CAPZB: variants seen among roughly 807,000 people sequenced by gnomAD.
CAPZB encodes capping actin protein of muscle Z-line subunit beta.
A neutral mutation model predicts 38.1 loss-of-function variants in CAPZB; 2 were observed. The ratio of observed to expected loss-of-function variants is 0.05; its 90% confidence interval spans 0.02 to 0.17. The LOEUF (loss-of-function observed/expected upper bound fraction) is 0.17. CAPZB is among the 10% of genes least tolerant of loss of function. The probability of loss-of-function intolerance (pLI) is 1.00; values close to 1 mark genes in which losing one functional copy is unlikely to be tolerated. For synonymous variants in CAPZB, 107 were observed against 127.4 expected (o/e 0.84, Z 1.08); for missense variants, 161 against 334.2 (o/e 0.48, Z 4.04).
At chr1:19,480,081 C>T (rs572234938) in intron 1 of CAPZB, among the ~76,000 whole-genome samples, 1 of 152,150 alleles carries the variant, frequency 6.6e-6, no homozygotes, top group African/African-American at 2.4e-5. Context: ...GCCAGGCCTG[C>T]AGGGATGGGC....
At chr1:19,360,057 C>A (rs559767990) in intron 4 of CAPZB, among the ~76,000 whole-genome samples, 1 of 152,328 alleles carries the variant, frequency 6.6e-6, no homozygotes, top group East Asian at 1.9e-4. Flanking sequence ...GTTCCTGGAA[C>A]ACCTGGAGAG....
intron 1 of CAPZB, among the ~76,000 whole-genome samples, chr1:19,450,754 G>A (rs2094513391): frequency 6.6e-6 from 1 of 152,178 alleles, no homozygotes; most frequent in African/African-American, 2.4e-5. Flanking sequence ...GTCAGTTGAT[G>A]TTAGGCTTGT....
At chr1:19,380,169 G>A (rs760686520) in intron 3 of CAPZB, among the ~76,000 whole-genome samples, 1 of 152,170 alleles carries the variant, frequency 6.6e-6, no homozygotes, top group Admixed American at 6.5e-5. Flanking sequence ...CCAGCCACCC[G>A]CAGGCAGCTT....
intron 8 of CAPZB, among the ~76,000 whole-genome samples, chr1:19,343,853 C>T (rs895756590): frequency 1.3e-5 from 2 of 152,184 alleles, no homozygotes; most frequent in African/African-American, 4.8e-5. Context: ...GAGGCTGGGG[C>T]CCCCTGAGAA....
At position 19,378,857 on chromosome 1, in the gene CAPZB, C is replaced by T. The variant is rs569782984; in HGVS notation, c.216-204G>A. Among the ~76,000 whole-genome samples the T allele has an allele frequency of 4.6e-5, 7 of 152,286 alleles. No homozygotes were observed. The South Asian group carries it at 1.2e-3, about 27-fold the overall frequency. The stretch of plus-strand genomic sequence containing the variant: ...TCTGATGCGGGCAGACTGGGGCACA[C>T]GCCCGTGCTCCACCTCTCACTGGCT... On this transcript the variant is annotated intron_variant, in intron 3 of 8. Coordinates refer to ENST00000264202, the MANE Select transcript of CAPZB (RefSeq NM_004930.5).
chr1:19,436,904 C>CT (rs764538977), intron 1 of CAPZB, among the ~76,000 whole-genome samples: 2 of 152,250 alleles, frequency 1.3e-5, no homozygotes, highest in African/African-American at 2.4e-5. Context: ...GTGCTGGACT[C>CT]TGTGTACCCG....
intron 1 of CAPZB, among the ~76,000 whole-genome samples, chr1:19,443,523 C>T (rs1416544801): frequency 5.3e-5 from 8 of 152,170 alleles, no homozygotes; most frequent in Non-Finnish European, 8.8e-5. Context: ...AGACTGTTGA[C>T]GTCAGTTTCT....
Position 19,449,176 on chromosome 1 carries a change from C to T in CAPZB, c.4-29426G>A, listed in dbSNP as rs973856371. 2.7e-5 allele frequency: 34 copies of T among 1,279,410 alleles called. No homozygotes were observed. The South Asian group carries it at 6.3e-4, about 24-fold the overall frequency. 79.3% of individuals were successfully genotyped at this position (1,279,410 alleles called of 1,614,324 possible). On this transcript the variant is annotated intron_variant, in intron 1 of 8. Transcript: ENST00000264202. ...GGCTGATAACGCACAAAGTGCACTG[C>T]GGTGTCTCTGAGCAGGCCTGAAAGG...
At chr1:19,447,574 G>T (rs2094500898) in intron 1 of CAPZB, among the ~76,000 whole-genome samples, 1 of 152,044 alleles carries the variant, frequency 6.6e-6, no homozygotes, top group Non-Finnish European at 1.5e-5. Context: ...CATCATAGAA[G>T]GCTGAAACCA....
At chr1:19,418,247 C>A (rs1409869266) in intron 2 of CAPZB, among the ~76,000 whole-genome samples, 3 of 147,046 alleles carry the variant, frequency 2.0e-5, no homozygotes, top group African/African-American at 7.6e-5. Flanking sequence ...AAATGAGCAA[C>A]AGAGGCTTCC....
intron 2 of CAPZB, among the ~76,000 whole-genome samples, chr1:19,410,046 C>T (rs2094350733): frequency 6.6e-6 from 1 of 152,174 alleles, no homozygotes; most frequent in African/African-American, 2.4e-5. Flanking sequence ...TATTTTTCTC[C>T]CAAATAGGAA....
At chr1:19,341,887 G>A (rs2093931183) in intron 8 of CAPZB, among the ~76,000 whole-genome samples, 1 of 152,194 alleles carries the variant, frequency 6.6e-6, no homozygotes, top group African/African-American at 2.4e-5. Flanking sequence ...AAAGTCTGCT[G>A]CACCCCTTCT....
intron 1 of CAPZB, among the ~76,000 whole-genome samples, chr1:19,481,003 A>ATGC (rs1288630738): frequency 3.9e-5 from 6 of 152,228 alleles, no homozygotes; most frequent in Non-Finnish European, 7.3e-5. Context: ...TATGTGCCAG[A>ATGC]TGCTACTGGA....
intron 3 of CAPZB, among the ~76,000 whole-genome samples, chr1:19,384,354 C>T (rs1021705423): frequency 6.6e-6 from 1 of 152,212 alleles, no homozygotes; most frequent in East Asian, 1.9e-4. Context: ...CAGACCTGGA[C>T]CTTTTCATCC....
chr1:19,359,525 C>T (rs535733362), intron 4 of CAPZB, among the ~76,000 whole-genome samples: 1 of 152,346 alleles, frequency 6.6e-6, no homozygotes, highest in Non-Finnish European at 1.5e-5. Context: ...CCATTCCCCT[C>T]TCCGGCACTA....
intron 2 of CAPZB, among the ~76,000 whole-genome samples, chr1:19,418,596 C>T (rs2094389975): frequency 1.3e-5 from 2 of 152,186 alleles, no homozygotes; most frequent in South Asian, 2.1e-4. Context: ...ACAGCAGGTT[C>T]CCAACTCCCT....
At chr1:19,381,955 T>C (rs574848790) in intron 3 of CAPZB, among the ~76,000 whole-genome samples, 1 of 151,240 alleles carries the variant, frequency 6.6e-6, no homozygotes, top group South Asian at 2.1e-4. Flanking sequence ...GCCGGGGGAG[T>C]GGATAAGAAT....
chr1:19,466,822 T>C (rs2094570517), intron 1 of CAPZB, among the ~76,000 whole-genome samples: 2 of 152,196 alleles, frequency 1.3e-5, no homozygotes, highest in African/African-American at 4.8e-5. Context: ...AGGAAAAATA[T>C]AACTAGCACA....
intron 1 of CAPZB, among the ~76,000 whole-genome samples, chr1:19,471,650 G>C (rs1454645111): frequency 6.6e-6 from 1 of 152,028 alleles, no homozygotes; most frequent in Non-Finnish European, 1.5e-5. Context: ...AGATCACAAG[G>C]TCAGGAGATC....
Sources: gnomAD v4.1 joint callset for allele counts (sites outside exome capture counted in the v4.1 genomes callset) on GRCh38, gnomAD v4.1.1 for gene constraint, MANE v1.5 for transcripts, NCBI Gene and HGNC (gene_info 2026-07-23, HGNC 2026-07-21) for gene names.